DGKI: variants seen among roughly 807,000 people sequenced by gnomAD.
DGKI encodes DAG kinase iota.
In DGKI, 55 loss-of-function variants were observed where a neutral mutation model predicts 147.5. That is an observed-to-expected ratio of 0.37 (90% CI 0.30 to 0.47). DGKI has a LOEUF of 0.47. DGKI is among the 20% of genes least tolerant of loss of function. The probability of loss-of-function intolerance (pLI) is 1.00; values close to 1 mark genes in which losing one functional copy is unlikely to be tolerated. For synonymous variants in DGKI, 469 were observed against 477.1 expected (o/e 0.98, Z 0.22); for missense variants, 1,007 against 1,323.8 (o/e 0.76, Z 3.71).
chr7:137,642,367 T>A (rs1022803354), intron 6 of DGKI, among the ~76,000 whole-genome samples: 1 of 152,182 alleles, frequency 6.6e-6, no homozygotes, highest in African/African-American at 2.4e-5. Context: ...AGGGGTCCTC[T>A]CCATCTCCTC....
chr7:137,451,548 G>C (rs1813956031), intron 27 of DGKI, among the ~76,000 whole-genome samples: 1 of 152,128 alleles, frequency 6.6e-6, no homozygotes. Context: ...ACCAGCAAAA[G>C]AGCAATACAT....
At chr7:137,509,243 C>T (rs926788787) in intron 21 of DGKI, among the ~76,000 whole-genome samples, 1 of 152,046 alleles carries the variant, frequency 6.6e-6, no homozygotes, top group Non-Finnish European at 1.5e-5. Context: ...TTTTCTTGGA[C>T]AAAATGTTAG....
At position 137,386,117 on chromosome 7, in the gene DGKI, C is replaced by T. The variant is rs979285764; in HGVS notation, c.*5103G>A. The stretch of plus-strand genomic sequence containing the variant: ...TTATGAAGATACCATTCAATTTTCA[C>T]GTTTCTATTTTAAAATCCATGCTAC... On this transcript the variant is annotated 3_prime_UTR_variant, in exon 33 of 33. Coordinates refer to ENST00000614521, the MANE Select transcript of DGKI (RefSeq NM_001321708.2). The T allele has an allele frequency of 6.6e-6, 1 of 152,014 alleles. No homozygotes were observed. Among genetic ancestry groups the T allele is most frequent in the Non-Finnish European group, 1.5e-5 (1 of 67,978 alleles). The allele number at this position is 152,014 out of a possible 1,614,324, so 9.4% of individuals were successfully genotyped here. A position where few individuals can be genotyped will look rare whatever the true frequency, so the allele number is the denominator to read the frequency against.
At chr7:137,701,594 A>G (rs1332070268) in intron 1 of DGKI, among the ~76,000 whole-genome samples, 2 of 152,166 alleles carry the variant, frequency 1.3e-5, no homozygotes, top group East Asian at 3.8e-4. Context: ...TACTGTTAAC[A>G]ATAGCACTAA....
At chr7:137,694,210 A>G (rs1483587776) in intron 1 of DGKI, among the ~76,000 whole-genome samples, 1 of 151,850 alleles carries the variant, frequency 6.6e-6, no homozygotes, top group Non-Finnish European at 1.5e-5. Flanking sequence ...AGTCCCAGCT[A>G]CTTAGGAGGC....
At chr7:137,504,045 C>G (rs769381059) in intron 21 of DGKI, among the ~76,000 whole-genome samples, 1 of 152,096 alleles carries the variant, frequency 6.6e-6, no homozygotes, top group Non-Finnish European at 1.5e-5. Context: ...AGGGGAATCA[C>G]AGCTGCCTGC....
At chr7:137,529,225 C>T (rs1388364913) in intron 20 of DGKI, among the ~76,000 whole-genome samples, 2 of 152,006 alleles carry the variant, frequency 1.3e-5, no homozygotes, top group African/African-American at 4.8e-5. Flanking sequence ...TTAATGGGTA[C>T]AACATATGCT....
chr7:137,727,638 T>C (rs1307072152), intron 1 of DGKI, among the ~76,000 whole-genome samples: 2 of 152,230 alleles, frequency 1.3e-5, no homozygotes, highest in East Asian at 3.9e-4. Context: ...TACAAATTTG[T>C]GAACTTCTCA....
intron 27 of DGKI, among the ~76,000 whole-genome samples, chr7:137,455,929 T>C (rs1156253533): frequency 6.6e-6 from 1 of 152,186 alleles, no homozygotes; most frequent in Non-Finnish European, 1.5e-5. Flanking sequence ...TGAAAATATT[T>C]CAAAATGATC....
chr7:137,404,327 T>C (rs1323464216), intron 30 of DGKI, among the ~76,000 whole-genome samples: 3 of 152,184 alleles, frequency 2.0e-5, no homozygotes, highest in African/African-American at 7.2e-5. Context: ...TGATTTTACA[T>C]CCGTATTTCT....
chr7:137,585,690 G>A (rs1220925547), intron 13 of DGKI, among the ~76,000 whole-genome samples: 1 of 152,146 alleles, frequency 6.6e-6, no homozygotes, highest in Non-Finnish European at 1.5e-5. Flanking sequence ...GAGGAATTTG[G>A]GGGAAACACA....
intron 21 of DGKI, among the ~76,000 whole-genome samples, chr7:137,489,506 T>G (rs1563050198): frequency 6.6e-6 from 1 of 152,002 alleles, no homozygotes; most frequent in Non-Finnish European, 1.5e-5. Context: ...GGAAGGGAAA[T>G]TCAATAAGGA....
At chr7:137,538,173 G>A (rs1261290922) in intron 20 of DGKI, among the ~76,000 whole-genome samples, 4 of 152,122 alleles carry the variant, frequency 2.6e-5, no homozygotes, top group Non-Finnish European at 4.4e-5. Flanking sequence ...GCTAATTTAT[G>A]TTTTCTTCAA....
intron 1 of DGKI, among the ~76,000 whole-genome samples, chr7:137,755,793 T>C (rs1418334657): frequency 2.6e-5 from 4 of 151,542 alleles, no homozygotes; most frequent in South Asian, 2.1e-4. Context: ...CCAACTGCAA[T>C]TGCAAAAAAA....
At chr7:137,597,461 A>T (rs1819835709) in intron 12 of DGKI, among the ~76,000 whole-genome samples, 1 of 152,194 alleles carries the variant, frequency 6.6e-6, no homozygotes, top group Non-Finnish European at 1.5e-5. Flanking sequence ...GTAAAAAAAA[A>T]AACATAATAA....
intron 30 of DGKI, among the ~76,000 whole-genome samples, chr7:137,401,569 TGGG>T (rs1811762810): frequency 6.6e-6 from 1 of 152,076 alleles, no homozygotes; most frequent in Admixed American, 6.6e-5. Flanking sequence ...CATATATGAA[TGGG>T]TAACATTTGA....
intron 1 of DGKI, among the ~76,000 whole-genome samples, chr7:137,780,688 T>C (rs572093997): frequency 6.7e-4 from 102 of 152,334 alleles, no homozygotes; most frequent in Non-Finnish European, 1.2e-3. Context: ...CATAACATGA[T>C]GTTTCAGTGA....
chr7:137,455,790 G>C (rs2351386), intron 27 of DGKI, among the ~76,000 whole-genome samples: 1 of 151,944 alleles, frequency 6.6e-6, no homozygotes, highest in African/African-American at 2.4e-5. Flanking sequence ...TGCCCGATAT[G>C]ACTCCCCAGC....
intron 22 of DGKI, among the ~76,000 whole-genome samples, chr7:137,486,229 A>G (rs754633651): frequency 3.9e-5 from 6 of 151,974 alleles, no homozygotes; most frequent in Non-Finnish European, 8.8e-5. Flanking sequence ...TTTTAGTTGA[A>G]TATTGGTGCA....
Sources: gnomAD v4.1 joint callset for allele counts (sites outside exome capture counted in the v4.1 genomes callset) on GRCh38, gnomAD v4.1.1 for gene constraint, MANE v1.5 for transcripts, NCBI Gene and HGNC (gene_info 2026-07-23, HGNC 2026-07-21) for gene names.